CASZ1: variants seen among roughly 807,000 people sequenced by gnomAD.
CASZ1 encodes zinc finger protein castor homolog 1.
In CASZ1, 28 loss-of-function variants were observed where a neutral mutation model predicts 135.2. That is an observed-to-expected ratio of 0.21 (90% CI 0.15 to 0.28). The LOEUF (loss-of-function observed/expected upper bound fraction) is 0.28, where lower values mean the gene tolerates loss of function less well. Ranked by LOEUF, CASZ1 falls within the 10% of genes least tolerant of loss-of-function variation. The probability of loss-of-function intolerance (pLI) is 1.00; values close to 1 mark genes in which losing one functional copy is unlikely to be tolerated. For synonymous variants in CASZ1, 1,068 were observed against 1,073.4 expected, an observed-to-expected ratio of 0.99 and a Z score of 0.10; for missense variants, 2,161 against 2,453.3, an observed-to-expected ratio of 0.88 and a Z score of 2.52.
chr1:10,637,115 T>G lies in CASZ1; in HGVS notation c.*1827A>C, dbSNP rs1407004874. 1 of 151,854 alleles carries G rather than the reference T, an allele frequency of 6.6e-6. No homozygotes were observed. The highest frequency in any genetic ancestry group is 2.4e-5 in the African/African-American group (1 of 41,376). 9.4% of individuals were successfully genotyped at this position (151,854 alleles called of 1,614,324 possible). A position where few individuals can be genotyped will look rare whatever the true frequency, so the allele number is the denominator to read the frequency against. Reference sequence around the variant, plus strand: ...TCCGCACTGTCGGCATCTTCTTCTTTTCTTCTTTTTTTTTTTTAAGTTTGA... The same window carrying G: ...TCCGCACTGTCGGCATCTTCTTCTTGTCTTCTTTTTTTTTTTTAAGTTTGA... On this transcript the variant is annotated 3_prime_UTR_variant, in exon 21 of 21. Transcript: ENST00000377022.
intron 4 of CASZ1, among the ~76,000 whole-genome samples, chr1:10,683,447 T>C (rs969851794): frequency 6.6e-6 from 1 of 152,080 alleles, no homozygotes; most frequent in Non-Finnish European, 1.5e-5. Flanking sequence ...TCACCTCTAG[T>C]AGCAAAGAAA....
chr1:10,705,158 G>A (rs555240113), intron 3 of CASZ1, among the ~76,000 whole-genome samples: 6 of 152,354 alleles, frequency 3.9e-5, no homozygotes, highest in South Asian at 4.1e-4. Context: ...CTGTGAGAGC[G>A]GGCACCGCAG....
At position 10,654,399 on chromosome 1, in the gene CASZ1, C is replaced by G. The variant is rs766306441; in HGVS notation, c.1838+20G>C. ...CTCCCCGCTTCTGCCCACGAAGGCC[C>G]CCACCAGGCTCCCGCTTACCTGCAG... is the stretch of plus-strand genomic sequence containing the variant. On this transcript the variant is annotated intron_variant, in intron 10 of 20. Transcript: ENST00000377022. 7 of 1,610,072 alleles carry G rather than the reference C, an allele frequency of 4.3e-6. No individual in the cohort carries two copies. The highest frequency in any genetic ancestry group is 8.5e-7 in the Non-Finnish European group (1 of 1,177,318).
intron 2 of CASZ1, among the ~76,000 whole-genome samples, chr1:10,742,227 TGGGCAGAG>T (rs1639937912): frequency 6.6e-6 from 1 of 152,102 alleles, no homozygotes; most frequent in African/African-American, 2.4e-5. Flanking sequence ...GACAAAGAGC[TGGGCAGAG>T]GGGCAGGAAG....
chr1:10,791,287 G>A (rs549479699), intron 1 of CASZ1, among the ~76,000 whole-genome samples: 1 of 152,358 alleles, frequency 6.6e-6, no homozygotes, highest in South Asian at 2.1e-4. Context: ...ACAAAGGTCG[G>A]AGAAAGCGGA....
At chr1:10,771,545 T>C (rs1357231140) in intron 1 of CASZ1, among the ~76,000 whole-genome samples, 1 of 152,034 alleles carries the variant, frequency 6.6e-6, no homozygotes, top group Admixed American at 6.6e-5. Context: ...AACATAGCTG[T>C]TGCTTAATTT....
intron 2 of CASZ1, among the ~76,000 whole-genome samples, chr1:10,728,744 C>T (rs947852178): frequency 5.9e-5 from 9 of 151,842 alleles, no homozygotes; most frequent in African/African-American, 2.2e-4. Flanking sequence ...CAACTGTGAC[C>T]GACCGTCACA....
In CASZ1 at chr1:10,699,044, G is replaced by T. The variant is rs1315907075; in HGVS notation, c.-23-5132C>A. Among the ~76,000 whole-genome samples, 1 of 152,226 alleles carries T rather than the reference G, an allele frequency of 6.6e-6. No individual in the cohort carries two copies. Among genetic ancestry groups the T allele is most frequent in the African/African-American group, 2.4e-5 (1 of 41,458 alleles). Reference sequence around the variant, plus strand: ...GGGTTGGGGGTGGGAGCAAGATGGAGCCTGGGGTTGGGGGTGGACAGGTAT... The same window carrying T: ...GGGTTGGGGGTGGGAGCAAGATGGATCCTGGGGTTGGGGGTGGACAGGTAT... On this transcript the variant is annotated intron_variant, in intron 3 of 20. Coordinates refer to ENST00000377022, the MANE Select transcript of CASZ1 (RefSeq NM_001079843.3). The surrounding 1 kb of genome is among the most constrained non-coding windows in gnomAD (Gnocchi z 4.6).
intron 1 of CASZ1, among the ~76,000 whole-genome samples, chr1:10,781,162 C>T (rs1384500588): frequency 3.9e-5 from 6 of 152,204 alleles, no homozygotes; most frequent in Admixed American, 6.5e-5. Context: ...GCCTGGAGGG[C>T]GAGGAGGGGG....
chr1:10,773,417 A>C (rs1436773233), intron 1 of CASZ1, among the ~76,000 whole-genome samples: 1 of 150,916 alleles, frequency 6.6e-6, no homozygotes, highest in Non-Finnish European at 1.5e-5. Context: ...GCGGGGGTGG[A>C]GCTGGCCTGG....
intron 6 of CASZ1, among the ~76,000 whole-genome samples, chr1:10,659,382 G>A (rs1405613062): frequency 6.6e-6 from 1 of 152,252 alleles, no homozygotes; most frequent in African/African-American, 2.4e-5. Context: ...ACTTGTGCCT[G>A]GGAGTGTGGG....
chr1:10,653,914 T>G lies in CASZ1; in HGVS notation c.2143A>C (p.Thr715Pro). 6.2e-7 allele frequency: 1 copy of G among 1,613,608 alleles called. No homozygotes were observed. Among genetic ancestry groups the G allele is most frequent in the Non-Finnish European group, 8.5e-7 (1 of 1,179,764 alleles). The change falls in exon 11 of 21, where the codon ACG becomes CCG. Residue 715 changes from threonine to proline, a missense_variant. By Grantham distance (38) the Thr-to-Pro change is conservative. Coordinates refer to ENST00000377022, the MANE Select transcript of CASZ1 (RefSeq NM_001079843.3). ...TCGTTGCTGGACTCCTCGTGCTCCG[T>G]GTCCTTGGCGCCCAGCAGCGAGGGC... ...LPPSLLGAKD[T>P]EHEESSNDDL...
chr1:10,656,554 C>A, intron 8 of CASZ1, 92 bp downstream of exon 8: 1 of 952,212 alleles, frequency 1.1e-6, no homozygotes. Context: ...TAGAACTAAC[C>A]CCCCCCACTG....
chr1:10,785,223 C>CT (rs1640839498), intron 1 of CASZ1, among the ~76,000 whole-genome samples: 4 of 60,582 alleles, frequency 6.6e-5, no homozygotes, highest in African/African-American at 1.7e-4. Flanking sequence ...TTATCCTTAT[C>CT]TTCCTTTCTT....
In CASZ1 at chr1:10,717,101, G is replaced by A. The variant is rs545893882; in HGVS notation, c.-76-11557C>T. ...AGGGACAGGAGCAGGAGGGACAGACGGCCAGCGAGGACACTGGGGAGGGCG... is the reference window on the plus strand; with the variant it reads ...AGGGACAGGAGCAGGAGGGACAGACAGCCAGCGAGGACACTGGGGAGGGCG... On this transcript the variant is annotated intron_variant, in intron 2 of 20. Coordinates refer to ENST00000377022, the MANE Select transcript of CASZ1 (RefSeq NM_001079843.3). The surrounding 1 kb of genome is among the most constrained non-coding windows in gnomAD (Gnocchi z 4.6). Among the ~76,000 whole-genome samples the A allele has an allele frequency of 3.0e-4, 45 of 152,336 alleles. No homozygotes were observed. Among genetic ancestry groups the A allele is most frequent in the African/African-American group, 9.1e-4 (38 of 41,572 alleles).
intron 2 of CASZ1, among the ~76,000 whole-genome samples, chr1:10,736,776 G>A (rs1305076235): frequency 6.6e-6 from 1 of 152,218 alleles, no homozygotes; most frequent in Non-Finnish European, 1.5e-5. Flanking sequence ...CGGACACAGG[G>A]CCAGTTAGAC....
At chr1:10,648,805 T>C in intron 15 of CASZ1, 1 of 495,314 alleles carries the variant, frequency 2.0e-6, no homozygotes, top group Non-Finnish European at 3.7e-6. Context: ...CTGGGACTGA[T>C]GGCTGCCCTG....
chr1:10,788,722 C>T lies in CASZ1; in HGVS notation c.-234+7842G>A, dbSNP rs947731132. Among the ~76,000 whole-genome samples the T allele has an allele frequency of 2.6e-5, 4 of 152,198 alleles. No homozygotes were observed. Among genetic ancestry groups the T allele is most frequent in the Admixed American group, 1.3e-4 (2 of 15,292 alleles). On this transcript the variant is annotated intron_variant, in intron 1 of 20. Coordinates refer to ENST00000377022, the MANE Select transcript of CASZ1 (RefSeq NM_001079843.3). This position sits in a 1 kb window ranked among gnomAD's most constrained non-coding sequence, Gnocchi z 4.1. ...CTGCCTCCTCACCCGGGAGCTGCCC[C>T]GGCCTCATCCTTGCTTTGCCTGGAA...
rs1640960205 is a variant in CASZ1 at position 10,791,757 on chromosome 1, G to T, written c.-234+4807C>A. ...AGAAAAAGAGGGGGAGAGAGAGAGA[G>T]AGAAGAGAGAGATGACTTTCCTTGA... On this transcript the variant is annotated intron_variant, in intron 1 of 20. Coordinates refer to ENST00000377022, the MANE Select transcript of CASZ1 (RefSeq NM_001079843.3). Among the ~76,000 whole-genome samples the T allele has an allele frequency of 2.1e-5, 3 of 142,814 alleles. No individual in the cohort carries two copies. In the Admixed American group the frequency reaches 2.1e-4, roughly 10 times the overall value. The allele number at this position is 142,814 out of a possible 152,430, so 93.7% of individuals were successfully genotyped here.
Sources: allele counts gnomAD v4.1 joint callset (sites outside exome capture counted in the v4.1 genomes callset), GRCh38; gene constraint gnomAD v4.1.1; non-coding constraint Gnocchi (gnomAD v3.1); transcripts MANE v1.5; gene names NCBI Gene and HGNC (gene_info 2026-07-23, HGNC 2026-07-21).